CACNA1I: variants seen among roughly 807,000 people sequenced by gnomAD.
The protein encoded by CACNA1I is voltage-dependent T-type calcium channel subunit alpha-1I.
CACNA1I carries 74 observed loss-of-function variants against 201.6 expected under a neutral mutation model. The ratio of observed to expected loss-of-function variants is 0.37; its 90% confidence interval spans 0.30 to 0.45. The LOEUF (loss-of-function observed/expected upper bound fraction) is 0.45. Ranked by LOEUF, CACNA1I falls within the 20% of genes least tolerant of loss-of-function variation. CACNA1I has a pLI of 1.00. For missense variants in CACNA1I, 2,346 were observed against 3,138.1 expected, an observed-to-expected ratio of 0.75 and a Z score of 6.03; for synonymous variants, 1,431 against 1,345.2, an observed-to-expected ratio of 1.06 and a Z score of -1.40.
Position 39,649,270 on chromosome 22 carries a change from C to T in CACNA1I, c.1568-231C>T, listed in dbSNP as rs564026198. Among the ~76,000 whole-genome samples the T allele has an allele frequency of 6.6e-6, 1 of 152,336 alleles. No individual in the cohort carries two copies. The highest frequency in any genetic ancestry group is 1.9e-4 in the East Asian group (1 of 5,178). On this transcript the variant is annotated intron_variant, in intron 9 of 36. Coordinates refer to ENST00000402142, the MANE Select transcript of CACNA1I (RefSeq NM_021096.4). This position sits in a 1 kb window ranked among gnomAD's most constrained non-coding sequence, Gnocchi z 7.3. ...CATGTGCCTTAAGGGAGAGAATCCTCCTACAGCCTGCATGGTGGGCGTTCC... is the reference window on the plus strand; with the variant it reads ...CATGTGCCTTAAGGGAGAGAATCCTTCTACAGCCTGCATGGTGGGCGTTCC...
intron 1 of CACNA1I, chr22:39,587,805 T>C (rs1932773641): frequency 2.3e-6 from 1 of 428,394 alleles, no homozygotes; most frequent in Non-Finnish European, 4.6e-6. Context: ...AGACAGAGTC[T>C]TGCTCTGTCA....
intron 5 of CACNA1I, among the ~76,000 whole-genome samples, chr22:39,637,769 AT>A (rs966861479): frequency 6.6e-6 from 1 of 152,122 alleles, no homozygotes; most frequent in African/African-American, 2.4e-5. Context: ...TTTATCAATC[AT>A]TTTTTTAGCA....
chr22:39,596,670 T>G (rs1932902122), intron 1 of CACNA1I, among the ~76,000 whole-genome samples: 1 of 151,588 alleles, frequency 6.6e-6, no homozygotes, highest in Non-Finnish European at 1.5e-5. Flanking sequence ...GGAGGTGGTC[T>G]TGCTGATGTT....
In CACNA1I at chr22:39,679,921, T is replaced by G; in HGVS notation, c.5541+53T>G. ...CTTGTGGCAGGGGCAGCACGAAACC[T>G]GGTGGGGGGCCTGTCCGAGGGCAGA... is the stretch of plus-strand genomic sequence containing the variant. On this transcript the variant is annotated intron_variant, in intron 33 of 36. Transcript: ENST00000402142. 2 of 1,561,722 alleles carry G rather than the reference T, an allele frequency of 1.3e-6. 1 individual carries two copies.
intron 5 of CACNA1I, among the ~76,000 whole-genome samples, chr22:39,637,900 C>G (rs938876962): frequency 1.3e-5 from 2 of 152,086 alleles, no homozygotes; most frequent in Admixed American, 6.6e-5. Context: ...GGTCTGACGT[C>G]CAAATCTAGC....
chr22:39,621,180 C>G (rs540767804), intron 4 of CACNA1I, among the ~76,000 whole-genome samples: 7 of 152,340 alleles, frequency 4.6e-5, no homozygotes, highest in African/African-American at 1.7e-4. Context: ...CACAGCAATT[C>G]AGCGGCAGAG....
chr22:39,677,048 C>A lies in CACNA1I; in HGVS notation c.4855-293C>A, dbSNP rs373340770. 6.6e-6 allele frequency among the ~76,000 whole-genome samples: 1 copy of A among 152,198 alleles called. No individual in the cohort carries two copies. The highest frequency in any genetic ancestry group is 6.5e-5 in the Admixed American group (1 of 15,272). ...TGAAGAATGGGGATAAAAGATAGTTCGTGGATTATTGTGAGGAGGAAGTGA... is the reference window on the plus strand; with the variant it reads ...TGAAGAATGGGGATAAAAGATAGTTAGTGGATTATTGTGAGGAGGAAGTGA... On this transcript the variant is annotated intron_variant, in intron 29 of 36. Coordinates refer to ENST00000402142, the MANE Select transcript of CACNA1I (RefSeq NM_021096.4). This position sits in a 1 kb window ranked among gnomAD's most constrained non-coding sequence, Gnocchi z 4.8.
In CACNA1I at chr22:39,685,468, G is replaced by A. The variant is rs1935832630; in HGVS notation, c.6028-293G>A. Among the ~76,000 whole-genome samples, 1 of 151,978 alleles carries A rather than the reference G, an allele frequency of 6.6e-6. No individual in the cohort carries two copies. Among genetic ancestry groups the A allele is most frequent in the African/African-American group, 2.4e-5 (1 of 41,374 alleles). ...GGTGCCACGTGCCCTGGGGGAGGGC[G>A]GTGGGCCCAGGGCTTCCCCTTGGAG... On this transcript the variant is annotated intron_variant, in intron 36 of 36. Coordinates refer to ENST00000402142, the MANE Select transcript of CACNA1I (RefSeq NM_021096.4). The surrounding 1 kb of genome is among the most constrained non-coding windows in gnomAD (Gnocchi z 5.0).
intron 1 of CACNA1I, among the ~76,000 whole-genome samples, chr22:39,575,089 GC>G (rs1204337141): frequency 6.6e-6 from 1 of 152,270 alleles, no homozygotes; most frequent in Non-Finnish European, 1.5e-5. Flanking sequence ...TCCCTGCCTG[GC>G]CTGGGCCGTG....
In CACNA1I at chr22:39,627,847, C is replaced by G. The variant is rs1226484535; in HGVS notation, c.581-6718C>G. On this transcript the variant is annotated intron_variant, in intron 4 of 36. Transcript: ENST00000402142. ...TGAGGGAGAAAGGCCTGACAGCCCC[C>G]ATGGGGAAGGAAGAGAGGGAAGGAG... 1.5e-4 allele frequency among the ~76,000 whole-genome samples: 23 copies of G among 150,258 alleles called. 1 individual carries two copies. Among genetic ancestry groups the G allele is most frequent in the Admixed American group, 1.5e-3 (22 of 15,006 alleles).
At chr22:39,584,561 A>AGGGCTGG (rs1319157023) in intron 1 of CACNA1I, among the ~76,000 whole-genome samples, 1 of 152,106 alleles carries the variant, frequency 6.6e-6, no homozygotes, top group Non-Finnish European at 1.5e-5. Flanking sequence ...GGGAGACCAG[A>AGGGCTGG]GGGCTGGGGG....
chr22:39,571,066 C>G (rs1258018900), intron 1 of CACNA1I, 78 bp downstream of exon 1: 1 of 1,249,834 alleles, frequency 8.0e-7, no homozygotes, highest in Admixed American at 1.7e-5. Context: ...CTGCTGCTCA[C>G]ACCTTGCTCC....
intron 3 of CACNA1I, among the ~76,000 whole-genome samples, chr22:39,607,191 G>A (rs1161781426): frequency 1.3e-5 from 2 of 152,200 alleles, no homozygotes; most frequent in Non-Finnish European, 2.9e-5. Context: ...AACAGGAGGC[G>A]CCTTACATCT....
chr22:39,670,183 G>A lies in CACNA1I; in HGVS notation c.4340G>A (p.Arg1447Gln), dbSNP rs1305306479. The change falls in exon 25 of 37, where the codon CGG becomes CAG. Residue 1447 changes from arginine (R) to glutamine (Q), a missense_variant. By Grantham distance (43) the Arg-to-Gln change is conservative. This residue lies in a region of CACNA1I where 228 missense variants were observed against 395.7 expected (regional missense o/e 0.58). Coordinates refer to ENST00000402142, the MANE Select transcript of CACNA1I (RefSeq NM_021096.4). ...CRQHQEAEEA[R>Q]RREEKRLRRL... ...CAGCACCAGGAGGCTGAAGAGGCAC[G>A]GCGGCGTGAGGAGAAGCGGCTGCGG... The A allele has an allele frequency of 1.9e-6, 3 of 1,613,838 alleles. No homozygotes were observed. Among genetic ancestry groups the A allele is most frequent in the African/African-American group, 1.3e-5 (1 of 74,946 alleles).
intron 4 of CACNA1I, among the ~76,000 whole-genome samples, chr22:39,626,876 A>G (rs981685596): frequency 1.3e-5 from 2 of 152,196 alleles, no homozygotes; most frequent in South Asian, 4.1e-4. Flanking sequence ...TGCTTGTGAC[A>G]AGCTCATCAC....
chr22:39,657,560 T>C (rs1934861772), intron 10 of CACNA1I, among the ~76,000 whole-genome samples: 1 of 152,214 alleles, frequency 6.6e-6, no homozygotes, highest in South Asian at 2.1e-4. Context: ...GGCAGGAGTC[T>C]TGGAGCCAGG....
At position 39,587,383 on chromosome 22, in the gene CACNA1I, C is replaced by G. The variant is rs553627714; in HGVS notation, c.237-10768C>G. ...TTCCTTGTCGCTGGAGGCATGTAAG[C>G]GGAGGGAGGCCTGGGACCATCTGCC... On this transcript the variant is annotated intron_variant, in intron 1 of 36. Coordinates refer to ENST00000402142, the MANE Select transcript of CACNA1I (RefSeq NM_021096.4). Among the ~76,000 whole-genome samples the G allele has an allele frequency of 2.0e-5, 3 of 152,110 alleles. No homozygotes were observed. The East Asian group carries it at 5.8e-4, about 29-fold the overall frequency.
chr22:39,652,465 G>A (rs776474464), intron 10 of CACNA1I, among the ~76,000 whole-genome samples: 12 of 152,284 alleles, frequency 7.9e-5, no homozygotes, highest in Non-Finnish European at 1.3e-4. Flanking sequence ...ACCATTTACT[G>A]AGCACCTACT....
At chr22:39,593,716 C>A (rs1439572106) in intron 1 of CACNA1I, among the ~76,000 whole-genome samples, 1 of 152,048 alleles carries the variant, frequency 6.6e-6, no homozygotes, top group East Asian at 1.9e-4. Context: ...ATTAGCCTGG[C>A]AGTGGCAAAA....
Sources: gnomAD v4.1 joint callset for allele counts (sites outside exome capture counted in the v4.1 genomes callset) on GRCh38, gnomAD v4.1.1 for gene constraint, gnomAD v4.1.1 regional missense constraint, Gnocchi (gnomAD v3.1) non-coding constraint, MANE v1.5 for transcripts, NCBI Gene and HGNC (gene_info 2026-07-23, HGNC 2026-07-21) for gene names.